Variants in PHF14 observed in about 807,000 individuals in gnomAD.
The protein encoded by PHF14 is PHD finger protein 14.
A neutral mutation model predicts 117.9 loss-of-function variants in PHF14; 55 were observed. That is an observed-to-expected ratio of 0.47 (90% CI 0.38 to 0.58). The LOEUF is 0.58. Among genes scored for constraint, PHF14 ranks in the 20% least tolerant of loss-of-function variants. PHF14 has a pLI of 0.00. For missense variants in PHF14, 978 were observed against 1,122.2 expected, an observed-to-expected ratio of 0.87 and a Z score of 1.84; for synonymous variants, 409 against 368.6, an observed-to-expected ratio of 1.11 and a Z score of -1.26.
At chr7:11,084,298 A>G (rs1786288822) in intron 16 of PHF14, among the ~76,000 whole-genome samples, 1 of 152,218 alleles carries the variant, frequency 6.6e-6, no homozygotes, top group African/African-American at 2.4e-5. Context: ...GAACATAAGT[A>G]TTACTTTATT....
chr7:11,075,270 C>G (rs1266101032), intron 16 of PHF14, among the ~76,000 whole-genome samples: 5 of 152,094 alleles, frequency 3.3e-5, no homozygotes, highest in Non-Finnish European at 1.5e-5. Context: ...CACTACACTT[C>G]TTGGTACCAA....
intron 17 of PHF14, among the ~76,000 whole-genome samples, chr7:11,150,833 G>A (rs995902088): frequency 6.6e-6 from 1 of 152,150 alleles, no homozygotes; most frequent in African/African-American, 2.4e-5. Context: ...TGGTATCAAA[G>A]TCTCAAATGT....
chr7:10,990,886 G>T, intron 4 of PHF14, 39 bp downstream of exon 4: 2 of 1,476,690 alleles, frequency 1.4e-6, no homozygotes, highest in Non-Finnish European at 9.2e-7. Flanking sequence ...AGAAATGGCT[G>T]ACTGTGGCTC....
At chr7:11,020,807 C>A (rs1300282390) in intron 5 of PHF14, among the ~76,000 whole-genome samples, 1 of 152,100 alleles carries the variant, frequency 6.6e-6, no homozygotes, top group Non-Finnish European at 1.5e-5. Flanking sequence ...AATGAACAAC[C>A]TCCTACTCAA....
intron 5 of PHF14, among the ~76,000 whole-genome samples, chr7:11,018,293 T>G (rs1257011570): frequency 1.3e-5 from 2 of 152,136 alleles, no homozygotes; most frequent in Non-Finnish European, 2.9e-5. Flanking sequence ...AGAATGTCAT[T>G]GGTATTTTGA....
intron 14 of PHF14, among the ~76,000 whole-genome samples, chr7:11,057,883 A>AG (rs940660792): frequency 8.6e-5 from 13 of 151,880 alleles, no homozygotes; most frequent in African/African-American, 3.1e-4. Context: ...TCTTAAAAAA[A>AG]AGAAAAACAA....
intron 3 of PHF14, among the ~76,000 whole-genome samples, chr7:10,987,909 G>A (rs540335587): frequency 6.6e-5 from 10 of 151,320 alleles, no homozygotes; most frequent in Admixed American, 5.3e-4. Flanking sequence ...CCAGCTACTC[G>A]GGAGGCTGAG....
Position 11,111,353 on chromosome 7 carries a change from TGATGAATG to T in PHF14, c.2659_2666del (p.Asp887GlnfsTer18). 1 of 1,546,344 alleles carries T rather than the reference TGATGAATG, an allele frequency of 6.5e-7. No individual in the cohort carries two copies. Among genetic ancestry groups the T allele is most frequent in the Non-Finnish European group, 8.9e-7 (1 of 1,121,816 alleles). ...TATAAATCTGTTTACCCTGCAGGTG[TGATGAATG>T]CAGACTCTGCTACCATTTTGGCTGT... On this transcript the variant is annotated frameshift_variant, in exon 17 of 18. Coordinates refer to ENST00000634607, the MANE Select transcript of PHF14 (RefSeq NM_001007157.2). LOFTEE classifies it high-confidence loss of function.
In PHF14 at chr7:11,079,025, A is replaced by G. The variant is rs144070547; in HGVS notation, c.2654+16940A>G. 1.5e-3 allele frequency among the ~76,000 whole-genome samples: 226 copies of G among 152,274 alleles called. 2 individuals are homozygous for G. The highest frequency in any genetic ancestry group is 5.2e-3 in the African/African-American group (217 of 41,578). On this transcript the variant is annotated intron_variant, in intron 16 of 17. Transcript: ENST00000634607. ...TTTTTATTTTAATTCTTAAGTGCCT[A>G]AATTCCTTCTGTGAAAGTTTCAAGG...
intron 17 of PHF14, among the ~76,000 whole-genome samples, chr7:11,124,484 A>C (rs897014305): frequency 4.6e-5 from 7 of 152,154 alleles, no homozygotes; most frequent in Admixed American, 4.6e-4. Flanking sequence ...TACTAATAAT[A>C]ATAATAGAAG....
chr7:10,983,967 T>C (rs1782132377), intron 3 of PHF14, among the ~76,000 whole-genome samples: 1 of 152,194 alleles, frequency 6.6e-6, no homozygotes, highest in Non-Finnish European at 1.5e-5. Flanking sequence ...TATATGTTTT[T>C]CTTCAAAAGA....
chr7:11,155,486 C>G (rs1242668928), intron 17 of PHF14, among the ~76,000 whole-genome samples: 3 of 152,094 alleles, frequency 2.0e-5, no homozygotes, highest in Non-Finnish European at 4.4e-5. Flanking sequence ...GCTGACTTAC[C>G]CTTCCCACTG....
chr7:11,101,618 T>C (rs531721511), intron 16 of PHF14, among the ~76,000 whole-genome samples: 2 of 152,042 alleles, frequency 1.3e-5, no homozygotes, highest in African/African-American at 2.4e-5. Context: ...TTTACTTTCT[T>C]TGGAGGTTAT....
rs56043099 is a variant in PHF14 at position 11,034,539 on chromosome 7, A to ATTTTTTTTT, written c.1456-1082_1456-1074dup. On this transcript the variant is annotated intron_variant, in intron 7 of 17. Transcript: ENST00000634607. ...ACAGGGCTTAGAATTTCTTAATTCT[A>ATTTTTTTTT]TTTTTTTTTTTTTTTTTTTTTTTTT... Among the ~76,000 whole-genome samples the ATTTTTTTTT allele has an allele frequency of 2.5e-4, 16 of 63,098 alleles. 3 individuals are homozygous for ATTTTTTTTT. The highest frequency in any genetic ancestry group is 1.6e-3 in the East Asian group (3 of 1,874). The allele number at this position is 63,098 out of a possible 152,430, so 41.4% of individuals were successfully genotyped here. A position where few individuals can be genotyped will look rare whatever the true frequency, so the allele number is the denominator to read the frequency against.
chr7:11,035,056 G>A (rs1583394855), intron 7 of PHF14, among the ~76,000 whole-genome samples: 1 of 150,922 alleles, frequency 6.6e-6, no homozygotes, highest in Admixed American at 6.6e-5. Flanking sequence ...CCGGCCCTCC[G>A]TGTCTGTGGA....
Position 11,062,069 on chromosome 7 carries a change from A to G in PHF14, c.2638A>G (p.Asn880Asp). 1 of 1,607,668 alleles carries G rather than the reference A, an allele frequency of 6.2e-7. No homozygotes were observed. The highest frequency in any genetic ancestry group is 8.5e-7 in the Non-Finnish European group (1 of 1,176,904). Residue 880 changes from asparagine to aspartate, a missense_variant, in exon 16 of 18, where the codon AAT becomes GAT. Physicochemically the swap from Asn to Asp is conservative, Grantham distance 23. Transcript: ENST00000634607. ...ECATCKGTGD[N>D]ENLVRCDECR... The stretch of plus-strand genomic sequence containing the variant: ...TGCAACTTGCAAGGGAACTGGAGAC[A>G]ATGAAAATCTTGTCAGGTAAGTTGG...
intron 17 of PHF14, among the ~76,000 whole-genome samples, chr7:11,152,154 A>G (rs897387435): frequency 2.0e-5 from 3 of 152,198 alleles, no homozygotes; most frequent in South Asian, 4.1e-4. Context: ...TAACTGAATA[A>G]TAATCTGGTC....
intron 16 of PHF14, chr7:11,110,555 T>C: frequency 1.0e-6 from 1 of 977,338 alleles, no homozygotes; most frequent in Middle Eastern, 5.2e-4. Context: ...AGAATAGGTA[T>C]GATAGTTTTC....
chr7:11,096,877 C>A (rs1245675610), intron 16 of PHF14, among the ~76,000 whole-genome samples: 1 of 151,488 alleles, frequency 6.6e-6, no homozygotes, highest in Non-Finnish European at 1.5e-5. Context: ...GAAAAAAAAA[C>A]TCATCTTCAA....
Sources: allele counts gnomAD v4.1 joint callset (sites outside exome capture counted in the v4.1 genomes callset), GRCh38; gene constraint gnomAD v4.1.1; transcripts MANE v1.5; gene names NCBI Gene and HGNC (gene_info 2026-07-23, HGNC 2026-07-21).